Variants in ZFHX3 observed in about 807,000 individuals in gnomAD.
ZFHX3 encodes the protein zinc finger homeobox protein 3.
ZFHX3 carries 42 observed loss-of-function variants against 279.1 expected under a neutral mutation model. That is an observed-to-expected ratio of 0.15 (90% CI 0.12 to 0.19). The LOEUF is 0.19. Among genes scored for constraint, ZFHX3 ranks in the 10% least tolerant of loss-of-function variants. The probability of loss-of-function intolerance (pLI) is 1.00; values close to 1 mark genes in which losing one functional copy is unlikely to be tolerated. For missense variants in ZFHX3, 4,981 were observed against 4,754.0 expected (o/e 1.05, Z -1.40); for synonymous variants, 2,293 against 1,957.8 (o/e 1.17, Z -4.52).
intron 4 of ZFHX3, among the ~76,000 whole-genome samples, chr16:73,305,685 C>T (rs773535225): frequency 6.6e-6 from 1 of 151,952 alleles, no homozygotes; most frequent in African/African-American, 2.4e-5. Context: ...CCTTGTAGTG[C>T]CCCAAGTTCC....
At chr16:73,682,524 G>A (rs1289094188) in intron 1 of ZFHX3, among the ~76,000 whole-genome samples, 1 of 152,012 alleles carries the variant, frequency 6.6e-6, no homozygotes, top group Non-Finnish European at 1.5e-5. Context: ...GGTGGCTCAC[G>A]CCTGTAATCC....
chr16:73,031,713 G>C (rs1384508001), intron 1 of ZFHX3, among the ~76,000 whole-genome samples: 1 of 152,200 alleles, frequency 6.6e-6, no homozygotes, highest in Non-Finnish European at 1.5e-5. Context: ...TTGAATGCAT[G>C]AACCAGAACG....
chr16:73,438,246 G>A (rs1334033751), intron 3 of ZFHX3, among the ~76,000 whole-genome samples: 1 of 152,162 alleles, frequency 6.6e-6, no homozygotes, highest in Non-Finnish European at 1.5e-5. Flanking sequence ...ACAGAATAAG[G>A]CTTGATGACA....
chr16:72,964,870 G>A (rs1961758266), intron 1 of ZFHX3, among the ~76,000 whole-genome samples: 1 of 152,098 alleles, frequency 6.6e-6, no homozygotes, highest in Non-Finnish European at 1.5e-5. Flanking sequence ...TGACAAACCG[G>A]AGAGTATGGG....
intron 1 of ZFHX3, among the ~76,000 whole-genome samples, chr16:73,058,210 G>C (rs1446724075): frequency 6.9e-6 from 1 of 144,594 alleles, no homozygotes; most frequent in East Asian, 2.0e-4. Flanking sequence ...GCGGCGGCGC[G>C]GGGCCGGGGA....
chr16:73,469,672 C>T (rs1427482974), intron 2 of ZFHX3, among the ~76,000 whole-genome samples: 1 of 152,018 alleles, frequency 6.6e-6, no homozygotes, highest in Non-Finnish European at 1.5e-5. Context: ...GGCTGGAGTG[C>T]AGTGGCGTGA....
At chr16:73,101,681 C>T (rs1388266151) in intron 7 of ZFHX3, among the ~76,000 whole-genome samples, 1 of 151,692 alleles carries the variant, frequency 6.6e-6, no homozygotes, top group Admixed American at 6.6e-5. Flanking sequence ...GGATTACAGG[C>T]GTGAGCCACT....
intron 2 of ZFHX3, among the ~76,000 whole-genome samples, chr16:73,639,257 A>G (rs557673292): frequency 6.6e-6 from 1 of 152,270 alleles, no homozygotes; most frequent in Admixed American, 6.5e-5. Flanking sequence ...ATCTGCAAGT[A>G]CCAGTTTCCC....
At chr16:72,974,468 G>A (rs148583863) in intron 1 of ZFHX3, among the ~76,000 whole-genome samples, 27 of 152,106 alleles carry the variant, frequency 1.8e-4, no homozygotes, top group African/African-American at 6.0e-4. Flanking sequence ...AAAACCACTC[G>A]GTGGGCTCAC....
intron 7 of ZFHX3, chr16:72,807,647 G>T (rs2036309791): frequency 6.6e-6 from 1 of 152,158 alleles, no homozygotes; most frequent in Non-Finnish European, 1.5e-5. Flanking sequence ...TTATCAGGGT[G>T]GAATTTACTT....
At chr16:72,982,587 TAG>T (rs1195875281) in intron 1 of ZFHX3, among the ~76,000 whole-genome samples, 32 of 151,640 alleles carry the variant, frequency 2.1e-4, no homozygotes, top group Non-Finnish European at 2.9e-5. Context: ...CTCAGTGGAG[TAG>T]AGTTATACAC....
intron 2 of ZFHX3, among the ~76,000 whole-genome samples, chr16:73,582,902 G>A (rs1290449261): frequency 6.7e-6 from 1 of 149,892 alleles, no homozygotes; most frequent in Non-Finnish European, 1.5e-5. Context: ...TTGGGAGTCT[G>A]TTCCAAGTAG....
intron 3 of ZFHX3, among the ~76,000 whole-genome samples, chr16:73,440,893 T>G (rs2018080747): frequency 6.6e-6 from 1 of 152,240 alleles, no homozygotes; most frequent in African/African-American, 2.4e-5. Context: ...AGATCAGAAG[T>G]GCCAGCTTTT....
chr16:73,643,243 T>G (rs1251078199), intron 2 of ZFHX3, among the ~76,000 whole-genome samples: 5 of 148,086 alleles, frequency 3.4e-5, no homozygotes, highest in Non-Finnish European at 7.4e-5. Context: ...CTCACAGAAT[T>G]TTTTTGGGAA....
At chr16:73,059,735 TC>T (rs1287888334), upstream of ZFHX3, 2 of 151,768 alleles carry the variant, frequency 1.3e-5, no homozygotes, top group Non-Finnish European at 2.9e-5. Flanking sequence ...GAAAATTACC[TC>T]CCCCCAAATC....
At chr16:73,487,425 CAG>C (rs1313914962) in intron 2 of ZFHX3, 2 of 383,596 alleles carry the variant, frequency 5.2e-6, no homozygotes, top group Non-Finnish European at 1.1e-5. Flanking sequence ...TTTTTTTTGG[CAG>C]AGTCTCGATC....
chr16:72,944,744 G>T (rs1417992250), intron 3 of ZFHX3, among the ~76,000 whole-genome samples: 1 of 151,858 alleles, frequency 6.6e-6, no homozygotes, highest in Non-Finnish European at 1.5e-5. Context: ...TACACTTGAG[G>T]TAAACATGGA....
At chr16:72,864,799 T>G (rs928096512) in intron 4 of ZFHX3, among the ~76,000 whole-genome samples, 2 of 152,198 alleles carry the variant, frequency 1.3e-5, no homozygotes, top group Admixed American at 1.3e-4. Context: ...ATCATCTACA[T>G]AGCAGGCTAT....
At chr16:73,226,712 G>A (rs2012604382) in intron 5 of ZFHX3, among the ~76,000 whole-genome samples, 1 of 152,152 alleles carries the variant, frequency 6.6e-6, no homozygotes, top group Non-Finnish European at 1.5e-5. Context: ...CCAAATTGAT[G>A]GTACTTCCCA....
Sources: gnomAD v4.1 joint callset for allele counts (sites outside exome capture counted in the v4.1 genomes callset) on GRCh38, gnomAD v4.1.1 for gene constraint, MANE v1.5 for transcripts, NCBI Gene and HGNC (gene_info 2026-07-23, HGNC 2026-07-21) for gene names.